SGCD: variants seen among roughly 807,000 people sequenced by gnomAD.
The protein encoded by SGCD is sarcoglycan delta, also known as delta-sarcoglycan.
SGCD carries 18 observed loss-of-function variants against 36.6 expected under a neutral mutation model. That is an observed-to-expected ratio of 0.49 (90% CI 0.34 to 0.73). SGCD has a LOEUF of 0.73. Ranked by LOEUF, SGCD falls within the 30% of genes least tolerant of loss-of-function variation. SGCD has a pLI of 0.01. For missense variants in SGCD, 387 were observed against 346.7 expected, an observed-to-expected ratio of 1.12 and a Z score of -0.92; for synonymous variants, 133 against 130.6, an observed-to-expected ratio of 1.02 and a Z score of -0.12.
chr5:156,589,209 T>A lies in SGCD; in HGVS notation c.295-22T>A, dbSNP rs1223908414. ...TTAGAAATCTATCATTTTCATGTCT[T>A]TCTCTTATTTTCTTATTGCAGGGTA... On this transcript the variant is annotated intron_variant, in intron 4 of 8. Coordinates refer to ENST00000337851, the MANE Select transcript of SGCD (RefSeq NM_000337.6). The A allele has an allele frequency of 2.7e-6, 4 of 1,475,056 alleles. No individual in the cohort carries two copies. In the East Asian group the frequency reaches 7.3e-5, roughly 27 times the overall value. The allele number at this position is 1,475,056 out of a possible 1,614,324, so 91.4% of individuals were successfully genotyped here.
intron 1 of SGCD, among the ~76,000 whole-genome samples, chr5:156,082,139 A>T (rs1760971451): frequency 6.6e-6 from 1 of 152,132 alleles, no homozygotes. Context: ...AAAAGGGACC[A>T]GAAGTACTTG....
intron 7 of SGCD, among the ~76,000 whole-genome samples, chr5:156,724,999 G>A (rs184217788): frequency 7.9e-5 from 12 of 152,360 alleles, no homozygotes; most frequent in Non-Finnish European, 1.8e-4. Flanking sequence ...ATAGTGCTCT[G>A]TTGGACTTCC....
the SGCD span, among the ~76,000 whole-genome samples, chr5:155,789,972 ACCTT>A: frequency 9.9e-5 from 15 of 152,020 alleles, no homozygotes; most frequent in Non-Finnish European, 2.1e-4. Context: ...AGTATAGATG[ACCTT>A]TAGTGCATGT....
rs185948843 is a variant in SGCD at position 156,043,522 on chromosome 5, C to G, written c.-281-74356C>G. Among the ~76,000 whole-genome samples the G allele has an allele frequency of 2.6e-5, 4 of 152,296 alleles. No homozygotes were observed. In the East Asian group the frequency reaches 5.8e-4, roughly 22 times the overall value. ...CACTGGGAAAGTGGGGGCAAAGATA[C>G]AGCTTTTAGCTGGCTGATTCTTGCT... On this transcript the variant is annotated intron_variant, in intron 1 of 9. Coordinates refer to the SGCD transcript ENST00000517913.
intron 3 of SGCD, among the ~76,000 whole-genome samples, chr5:156,304,006 A>G (rs10063909): frequency 0.46 from 70,406 of 151,588 alleles, 17,001 homozygotes; most frequent in East Asian, 0.88. Context: ...CAAATTCACT[A>G]GCTCTGAGCT....
At chr5:156,348,633 C>T (rs77229867) in intron 3 of SGCD, among the ~76,000 whole-genome samples, 10,874 of 152,234 alleles carry the variant, frequency 0.071, 458 homozygotes, top group Middle Eastern at 0.19. Flanking sequence ...CCATCCCATG[C>T]TCATGAATTG....
the SGCD span, chr5:155,845,308 A>T: frequency 6.6e-6 from 1 of 151,904 alleles, no homozygotes; most frequent in African/African-American, 2.4e-5. Flanking sequence ...CTTCCATGTC[A>T]CCTCTGTGGC....
At chr5:156,010,287 G>A (rs1758833496) in intron 1 of SGCD, among the ~76,000 whole-genome samples, 1 of 152,156 alleles carries the variant, frequency 6.6e-6, no homozygotes, top group Non-Finnish European at 1.5e-5. Context: ...GGATATTACT[G>A]TTGGGAATGT....
At chr5:156,643,384 ATACCGTGAGCTTCT>A in intron 6 of SGCD, among the ~76,000 whole-genome samples, 1 of 152,072 alleles carries the variant, frequency 6.6e-6, no homozygotes, top group East Asian at 1.9e-4. Context: ...ATACTATATT[ATACCGTGAGCTTCT>A]TACCTCTTTG....
intron 6 of SGCD, among the ~76,000 whole-genome samples, chr5:156,615,124 T>C (rs990980624): frequency 1.3e-5 from 2 of 152,220 alleles, no homozygotes; most frequent in Non-Finnish European, 1.5e-5. Context: ...TAGACAGGAA[T>C]GGCCTTTAAA....
At chr5:156,337,384 C>G (rs1768409907) in intron 2 of SGCD, among the ~76,000 whole-genome samples, 1 of 152,168 alleles carries the variant, frequency 6.6e-6, no homozygotes, top group Non-Finnish European at 1.5e-5. Flanking sequence ...CTTAAATTAG[C>G]TAATGTAGCC....
At chr5:156,184,578 T>C (rs2127628918) in intron 3 of SGCD, among the ~76,000 whole-genome samples, 1 of 152,346 alleles carries the variant, frequency 6.6e-6, no homozygotes, top group East Asian at 1.9e-4. Context: ...ATGAGACTTC[T>C]TAAAACACCT....
At chr5:156,169,249 A>G (rs73811523) in intron 3 of SGCD, among the ~76,000 whole-genome samples, 5,780 of 152,282 alleles carry the variant, frequency 0.038, 240 homozygotes, top group African/African-American at 0.098. Flanking sequence ...TTGCTGGCCT[A>G]TTTACAGTAC....
intron 7 of SGCD, among the ~76,000 whole-genome samples, chr5:156,693,784 T>C (rs1303116284): frequency 6.6e-6 from 1 of 152,158 alleles, no homozygotes; most frequent in Non-Finnish European, 1.5e-5. Context: ...ATATGGATTG[T>C]AGTTTGGTTT....
chr5:156,289,328 G>T (rs1225899302), intron 3 of SGCD, among the ~76,000 whole-genome samples: 1 of 151,904 alleles, frequency 6.6e-6, no homozygotes, highest in Admixed American at 6.6e-5. Flanking sequence ...TAAGTTCCGG[G>T]ATACACGTGC....
intron 1 of SGCD, among the ~76,000 whole-genome samples, chr5:155,986,042 T>A (rs1758321594): frequency 6.6e-6 from 1 of 152,148 alleles, no homozygotes; most frequent in African/African-American, 2.4e-5. Flanking sequence ...GGAGAGGTAA[T>A]TATTTCTAAG....
At chr5:156,639,137 T>C (rs982862523) in intron 6 of SGCD, among the ~76,000 whole-genome samples, 4 of 151,964 alleles carry the variant, frequency 2.6e-5, no homozygotes, top group African/African-American at 9.7e-5. Flanking sequence ...ATATCTCATA[T>C]ATACATATGT....
intron 5 of SGCD, among the ~76,000 whole-genome samples, chr5:156,590,248 C>G (rs1760674434): frequency 6.6e-6 from 1 of 152,126 alleles, no homozygotes; most frequent in Admixed American, 6.6e-5. Flanking sequence ...CATGGGGAAA[C>G]AGGTACCTTT....
chr5:155,760,032 A>AT, the SGCD span, among the ~76,000 whole-genome samples: 152,244 of 152,250 alleles, frequency 1, 76,119 homozygotes, highest in Non-Finnish European at 1. Context: ...ATCATAATAA[A>AT]TTTGAGATGT....
Sources: allele counts gnomAD v4.1 joint callset (sites outside exome capture counted in the v4.1 genomes callset), GRCh38; gene constraint gnomAD v4.1.1; transcripts MANE v1.5; gene names NCBI Gene and HGNC (gene_info 2026-07-23, HGNC 2026-07-21).